ADK: variants seen among roughly 807,000 people sequenced by gnomAD.
ADK encodes N6,N6-dimethyladenosine kinase.
A neutral mutation model predicts 44.7 loss-of-function variants in ADK; 24 were observed. That is an observed-to-expected ratio of 0.54 (90% CI 0.39 to 0.76). The LOEUF is 0.76. Ranked by LOEUF, ADK falls within the 30% of genes least tolerant of loss-of-function variation. The pLI, the probability that ADK is intolerant of heterozygous loss-of-function variation, is 0.00. For missense variants in ADK, 321 were observed against 425.1 expected (o/e 0.76, Z 2.15); for synonymous variants, 128 against 142.6 (o/e 0.90, Z 0.73).
chr10:74,287,125 A>G (rs543811372), intron 3 of ADK, among the ~76,000 whole-genome samples: 25 of 152,276 alleles, frequency 1.6e-4, no homozygotes, highest in Admixed American at 1.4e-3. Context: ...ATAGCAATAC[A>G]AGAATTATGA....
intron 4 of ADK, among the ~76,000 whole-genome samples, chr10:74,388,023 C>T (rs999615186): frequency 6.6e-6 from 1 of 152,146 alleles, no homozygotes; most frequent in Admixed American, 6.5e-5. Flanking sequence ...TTCTCCTTAC[C>T]TCAGCCTCCT....
At chr10:74,182,291 T>C (rs1842587632) in intron 1 of ADK, among the ~76,000 whole-genome samples, 1 of 152,096 alleles carries the variant, frequency 6.6e-6, no homozygotes, top group Non-Finnish European at 1.5e-5. Flanking sequence ...GTAAGTGAGC[T>C]TTTAAACTAA....
chr10:74,646,574 C>G (rs183643018), intron 9 of ADK, among the ~76,000 whole-genome samples: 41 of 152,322 alleles, frequency 2.7e-4, no homozygotes, highest in Non-Finnish European at 5.4e-4. Context: ...AAAAATACCA[C>G]ATGCTGAGGA....
chr10:74,400,844 A>G (rs1843681717), intron 6 of ADK, among the ~76,000 whole-genome samples: 1 of 152,204 alleles, frequency 6.6e-6, no homozygotes, highest in Non-Finnish European at 1.5e-5. Context: ...GCTTCTTCAC[A>G]CTATTCTCCA....
intron 7 of ADK, among the ~76,000 whole-genome samples, chr10:74,549,270 G>A (rs1849945976): frequency 1.3e-5 from 2 of 152,128 alleles, no homozygotes; most frequent in South Asian, 4.1e-4. Context: ...AATGTACATG[G>A]TGTTGTGTCT....
chr10:74,614,099 A>G lies in ADK; in HGVS notation c.877+13606A>G, dbSNP rs12416316. On this transcript the variant is annotated intron_variant, in intron 9 of 10. Coordinates refer to ENST00000539909, the MANE Select transcript of ADK (RefSeq NM_006721.4). ...AACTCCTTTAATTAATTGGTCAAAA[A>G]TAATTTAGAATAACATGTGGACCTG... Among the ~76,000 whole-genome samples, 82 of 152,270 alleles carry G rather than the reference A, an allele frequency of 5.4e-4. 2 individuals carry two copies. The highest frequency in any genetic ancestry group is 1.8e-3 in the African/African-American group (74 of 41,576).
rs763765235 is a variant in ADK at position 74,200,754 on chromosome 10, GT to G, written c.66-3del. ...GAAGTATTTCTAACTTGTGTTTTGT[GT>G]TTTTTTAGAGAAAATATTCTCTTTG... On this transcript the variant is annotated splice_polypyrimidine_tract_variant and intron_variant, in intron 1 of 10. Transcript: ENST00000539909. 9.8e-5 allele frequency: 156 copies of G among 1,594,818 alleles called. No individual in the cohort carries two copies. The highest frequency in any genetic ancestry group is 1.3e-4 in the Non-Finnish European group (151 of 1,163,738).
intron 3 of ADK, among the ~76,000 whole-genome samples, chr10:74,240,372 TTGTGTGTGTGTGTG>T (rs142465407): frequency 6.8e-6 from 1 of 147,140 alleles, no homozygotes; most frequent in Non-Finnish European, 1.5e-5. Context: ...TCCTTTTATT[TTGTGTGTGTGTGTG>T]TGTGTGTGTG....
chr10:74,541,801 C>G (rs577567952), intron 7 of ADK, among the ~76,000 whole-genome samples: 2 of 135,538 alleles, frequency 1.5e-5, no homozygotes, highest in African/African-American at 5.6e-5. Context: ...CACACCCCCC[C>G]CCCCTAAAAA....
chr10:74,402,391 T>G (rs1049487998), intron 6 of ADK, among the ~76,000 whole-genome samples: 5 of 152,196 alleles, frequency 3.3e-5, no homozygotes, highest in Non-Finnish European at 7.3e-5. Flanking sequence ...CAGATGTAGA[T>G]TTGGTCTTTT....
chr10:74,265,686 T>G (rs1846189533), intron 3 of ADK, among the ~76,000 whole-genome samples: 1 of 152,232 alleles, frequency 6.6e-6, no homozygotes, highest in Non-Finnish European at 1.5e-5. Context: ...AAAATCTAAT[T>G]TTCACTTTTA....
chr10:74,537,585 A>T (rs1020303189), intron 7 of ADK, among the ~76,000 whole-genome samples: 1 of 152,148 alleles, frequency 6.6e-6, no homozygotes, highest in Non-Finnish European at 1.5e-5. Context: ...ATTTTTATTA[A>T]ATTAAGAAGG....
intron 3 of ADK, among the ~76,000 whole-genome samples, chr10:74,296,775 C>A (rs1839833239): frequency 6.6e-6 from 1 of 151,854 alleles, no homozygotes; most frequent in African/African-American, 2.4e-5. Flanking sequence ...CCACGCTGGG[C>A]TAATTTTTTT....
chr10:74,559,944 T>G (rs2133812698), intron 7 of ADK, among the ~76,000 whole-genome samples: 1 of 152,246 alleles, frequency 6.6e-6, no homozygotes, highest in East Asian at 1.9e-4. Flanking sequence ...ACTTTTTTTT[T>G]GAGACAGGAT....
chr10:74,671,394 C>T (rs925214346), intron 10 of ADK, among the ~76,000 whole-genome samples: 3 of 151,980 alleles, frequency 2.0e-5, no homozygotes, highest in South Asian at 2.1e-4. Flanking sequence ...GACGGGGTTT[C>T]GCCATGTTGG....
At chr10:74,593,785 T>C (rs762605283) in intron 8 of ADK, among the ~76,000 whole-genome samples, 23 of 152,364 alleles carry the variant, frequency 1.5e-4, no homozygotes, top group Non-Finnish European at 2.2e-4. Flanking sequence ...ACAGGATTGC[T>C]TAACCTTTGT....
At chr10:74,524,282 A>G (rs1403434681) in intron 6 of ADK, among the ~76,000 whole-genome samples, 4 of 152,244 alleles carry the variant, frequency 2.6e-5, no homozygotes, top group African/African-American at 9.6e-5. Context: ...AAGAAAAATT[A>G]AATATTTTTC....
At chr10:74,632,957 T>C (rs1853493388) in intron 9 of ADK, among the ~76,000 whole-genome samples, 1 of 152,206 alleles carries the variant, frequency 6.6e-6, no homozygotes, top group African/African-American at 2.4e-5. Flanking sequence ...TAATATATTC[T>C]GGAAGTTTTT....
At chr10:74,317,887 T>A (rs1840679718) in intron 4 of ADK, among the ~76,000 whole-genome samples, 1 of 152,164 alleles carries the variant, frequency 6.6e-6, no homozygotes, top group South Asian at 2.1e-4. Context: ...GTTCAAGTGA[T>A]TCTTTTGCCT....
Sources: allele counts gnomAD v4.1 joint callset (sites outside exome capture counted in the v4.1 genomes callset), GRCh38; gene constraint gnomAD v4.1.1; transcripts MANE v1.5; gene names NCBI Gene and HGNC (gene_info 2026-07-23, HGNC 2026-07-21).